The following EPHB1 variants were observed in gnomAD, a reference collection of about 807,000 sequenced individuals.
The protein encoded by EPHB1 is ephrin type-B receptor 1.
In EPHB1, 30 loss-of-function variants were observed where a neutral mutation model predicts 94.4. The ratio of observed to expected loss-of-function variants is 0.32; its 90% CI spans 0.24 to 0.43. The LOEUF (loss-of-function observed/expected upper bound fraction) is 0.43. Among genes scored for constraint, EPHB1 ranks in the 20% least tolerant of loss-of-function variants. The probability of loss-of-function intolerance (pLI) is 1.00; values close to 1 mark genes in which losing one functional copy is unlikely to be tolerated. For synonymous variants in EPHB1, 522 were observed against 489.1 expected (o/e 1.07, Z -0.89); for missense variants, 1,055 against 1,308.3 (o/e 0.81, Z 2.99).
chr3:135,005,249 G>T (rs912667156), intron 3 of EPHB1, among the ~76,000 whole-genome samples: 7 of 152,190 alleles, frequency 4.6e-5, no homozygotes, highest in Admixed American at 1.3e-4. Context: ...CTGCTGGGGG[G>T]TGCCTCCCAG....
intron 1 of EPHB1, among the ~76,000 whole-genome samples, chr3:134,799,545 G>A (rs888947727): frequency 1.3e-5 from 2 of 152,220 alleles, no homozygotes; most frequent in Non-Finnish European, 2.9e-5. Context: ...TCTGGGCAAT[G>A]GCTTGGGAAA....
At chr3:135,118,952 A>G (rs1656643209) in intron 4 of EPHB1, among the ~76,000 whole-genome samples, 1 of 152,180 alleles carries the variant, frequency 6.6e-6, no homozygotes, top group East Asian at 1.9e-4. Context: ...CTTAGAACCA[A>G]TCAATATTAC....
intron 3 of EPHB1, among the ~76,000 whole-genome samples, chr3:135,059,756 C>G (rs1158590967): frequency 1.3e-5 from 2 of 152,218 alleles, no homozygotes; most frequent in South Asian, 4.1e-4. Flanking sequence ...TCCTGGGGAA[C>G]TTGAACAGGC....
chr3:134,871,946 A>T (rs1195582401), intron 1 of EPHB1, among the ~76,000 whole-genome samples: 3 of 152,236 alleles, frequency 2.0e-5, no homozygotes, highest in Non-Finnish European at 2.9e-5. Flanking sequence ...AGATAGCTTC[A>T]TAGGAAGCAC....
chr3:135,188,747 C>T (rs1296888349), intron 10 of EPHB1, among the ~76,000 whole-genome samples: 1 of 152,190 alleles, frequency 6.6e-6, no homozygotes, highest in Non-Finnish European at 1.5e-5. Flanking sequence ...CAATTTTCCT[C>T]CCAACTGTAC....
chr3:135,187,559 G>A (rs749050249), intron 10 of EPHB1, among the ~76,000 whole-genome samples: 2 of 152,154 alleles, frequency 1.3e-5, no homozygotes, highest in Admixed American at 6.5e-5. Context: ...ACAGGCGACA[G>A]CAATTTCTTA....
In EPHB1 at chr3:135,162,011, C is replaced by A. The variant is rs369140602; in HGVS notation, c.1423-7C>A. The A allele has an allele frequency of 3.1e-6, 5 of 1,603,770 alleles. No homozygotes were observed. The African/African-American group carries it at 4.0e-5, about 13-fold the overall frequency. ...GGATAGTGACCCTTTCCCTTGCTTT[C>A]TTTTAGGAACACAATGAGTTCAACT... is the stretch of plus-strand genomic sequence containing the variant. On this transcript the variant is annotated splice_region_variant and splice_polypyrimidine_tract_variant and intron_variant, in intron 6 of 15. Transcript: ENST00000398015.
intron 1 of EPHB1, among the ~76,000 whole-genome samples, chr3:134,834,365 C>G (rs1023805571): frequency 6.6e-6 from 1 of 152,176 alleles, no homozygotes; most frequent in Non-Finnish European, 1.5e-5. Context: ...ACTCTCCCCT[C>G]TAGTAGACCT....
At chr3:135,213,356 T>C (rs1943073128) in intron 12 of EPHB1, among the ~76,000 whole-genome samples, 1 of 152,264 alleles carries the variant, frequency 6.6e-6, no homozygotes, top group Non-Finnish European at 1.5e-5. Flanking sequence ...TGAGCTAGGC[T>C]GGACTCTGAA....
chr3:134,954,533 A>G (rs964992645), intron 3 of EPHB1, among the ~76,000 whole-genome samples: 5 of 152,180 alleles, frequency 3.3e-5, no homozygotes, highest in African/African-American at 1.2e-4. Flanking sequence ...CAGGTGAGAC[A>G]CAGTGAGCCT....
At chr3:134,799,848 A>G (rs971596180) in intron 1 of EPHB1, among the ~76,000 whole-genome samples, 22 of 152,172 alleles carry the variant, frequency 1.4e-4, no homozygotes, top group African/African-American at 5.1e-4. Flanking sequence ...ATTTAATTTT[A>G]CCCATCGAGA....
intron 4 of EPHB1, among the ~76,000 whole-genome samples, chr3:135,122,015 A>G (rs568324247): frequency 6.6e-6 from 1 of 152,258 alleles, no homozygotes; most frequent in South Asian, 2.1e-4. Context: ...CCGTAGCACA[A>G]TGCCTGGCCA....
chr3:135,065,394 G>A (rs1937568477), intron 3 of EPHB1, among the ~76,000 whole-genome samples: 1 of 152,130 alleles, frequency 6.6e-6, no homozygotes, highest in Non-Finnish European at 1.5e-5. Context: ...CCAGTGTTAG[G>A]TGCATATATA....
chr3:135,160,775 A>G (rs1941482942), intron 6 of EPHB1, among the ~76,000 whole-genome samples: 1 of 152,220 alleles, frequency 6.6e-6, no homozygotes, highest in African/African-American at 2.4e-5. Flanking sequence ...GACAGTCCAC[A>G]GCCCAGACTG....
rs779028183 is a variant in EPHB1, at chr3:134,952,072, C to T, written c.805+20C>T. On this transcript the variant is annotated intron_variant, in intron 3 of 15. Coordinates refer to ENST00000398015, the MANE Select transcript of EPHB1 (RefSeq NM_004441.5). ...GCAAGGGTAAGCTTTGGAGCCTCTG[C>T]TTCCTGCCCATCTATGGCAGGGCCA... 2 of 1,572,334 alleles carry T rather than the reference C, an allele frequency of 1.3e-6. No individual in the cohort carries two copies. The highest frequency in any genetic ancestry group is 1.4e-5 in the African/African-American group (1 of 74,014).
At chr3:134,842,392 C>T (rs542961777) in intron 1 of EPHB1, among the ~76,000 whole-genome samples, 3 of 152,318 alleles carry the variant, frequency 2.0e-5, no homozygotes, top group African/African-American at 4.8e-5. Context: ...CCAGCCTCAC[C>T]CCCTTCACTC....
chr3:135,216,208 C>T (rs947891869), intron 12 of EPHB1, among the ~76,000 whole-genome samples: 1 of 152,212 alleles, frequency 6.6e-6, no homozygotes, highest in Non-Finnish European at 1.5e-5. Flanking sequence ...CAGTAGGTGC[C>T]GCCAGCACAA....
Position 134,878,346 on chromosome 3 carries a change from G to A in EPHB1, c.59-47470G>A, listed in dbSNP as rs2037659468. Among the ~76,000 whole-genome samples the A allele has an allele frequency of 2.0e-5, 3 of 152,212 alleles. No individual in the cohort carries two copies. The South Asian group carries it at 6.2e-4, about 32-fold the overall frequency. On this transcript the variant is annotated intron_variant, in intron 1 of 15. Transcript: ENST00000398015. ...TAATGGAGAATTAGCCAGATGTGGG[G>A]CAGGGATATTTGGCAGCTCATATTA...
At chr3:135,137,923 G>A (rs1313173713) in intron 5 of EPHB1, among the ~76,000 whole-genome samples, 1 of 152,136 alleles carries the variant, frequency 6.6e-6, no homozygotes, top group Non-Finnish European at 1.5e-5. Context: ...GCTGGGAGGG[G>A]TAGGCACCAG....
Sources: allele counts gnomAD v4.1 joint callset (sites outside exome capture counted in the v4.1 genomes callset), GRCh38; gene constraint gnomAD v4.1.1; transcripts MANE v1.5; gene names NCBI Gene and HGNC (gene_info 2026-07-23, HGNC 2026-07-21).